Variants in DNAH8 observed in about 807,000 individuals in gnomAD.
The protein encoded by DNAH8 is axonemal beta dynein heavy chain 8.
In DNAH8, 382 loss-of-function variants were observed where a neutral mutation model predicts 562.1. That is an observed-to-expected ratio of 0.68 (90% CI 0.63 to 0.74). The LOEUF is 0.74. Ranked by LOEUF, DNAH8 falls within the 30% of genes least tolerant of loss-of-function variation. The pLI, the probability that DNAH8 is intolerant of heterozygous loss-of-function variation, is 0.00. For missense variants in DNAH8, 5,203 were observed against 5,620.4 expected, an observed-to-expected ratio of 0.93 and a Z score of 2.37; for synonymous variants, 1,881 against 1,919.4, an observed-to-expected ratio of 0.98 and a Z score of 0.52.
At position 38,973,884 on chromosome 6, in the gene DNAH8, T is replaced by C. The variant is rs913939075; in HGVS notation, c.12678+71T>C. The C allele has an allele frequency of 3.0e-5, 40 of 1,324,660 alleles. No homozygotes were observed. In the African/African-American group the frequency reaches 5.2e-4, roughly 17 times the overall value. 82.1% of individuals were successfully genotyped at this position (1,324,660 alleles called of 1,614,324 possible). On this transcript the variant is annotated intron_variant, in intron 84 of 92. Transcript: ENST00000327475. ...TGACATCATTGACATTGTTGAAAGA[T>C]GGGAACACAACAGGGCTTTTTGGTC...
At chr6:38,934,129 G>T (rs1238882533) in intron 76 of DNAH8, among the ~76,000 whole-genome samples, 3 of 151,988 alleles carry the variant, frequency 2.0e-5, no homozygotes, top group Non-Finnish European at 4.4e-5. Context: ...GAGGCAGGTG[G>T]ATTACCTGAG....
At chr6:38,836,668 T>C (rs1774330922) in intron 32 of DNAH8, among the ~76,000 whole-genome samples, 1 of 152,022 alleles carries the variant, frequency 6.6e-6, no homozygotes, top group African/African-American at 2.4e-5. Context: ...CACAACCCTT[T>C]TCAAAATGAG....
At chr6:38,754,836 A>C (rs1234043769) in intron 9 of DNAH8, among the ~76,000 whole-genome samples, 1 of 152,148 alleles carries the variant, frequency 6.6e-6, no homozygotes, top group Admixed American at 6.5e-5. Context: ...AATATCCCTG[A>C]ACTCAGGACA....
chr6:39,018,648 T>C (rs1188919934), intron 91 of DNAH8, among the ~76,000 whole-genome samples: 1 of 152,230 alleles, frequency 6.6e-6, no homozygotes, highest in African/African-American at 2.4e-5. Flanking sequence ...GAGTCATCTG[T>C]GCCAGGATTC....
rs1583366251 is a variant in DNAH8 at position 38,924,060 on chromosome 6, G to A, written c.10860G>A (p.Arg3620=). ...SYLGPFNQIF[R]NYLLKDQWEM... ...TTGGTCCTTTCAATCAGATATTTAG[G>A]AACTATTTGCTTAAAGATCAATGGG... is the stretch of plus-strand genomic sequence containing the variant. Residue 3620 remains arginine (R), a synonymous_variant, in exon 73 of 93, where the codon AGG becomes AGA. Transcript: ENST00000327475. The A allele has an allele frequency of 6.2e-7, 1 of 1,613,924 alleles. No individual in the cohort carries two copies.
chr6:38,728,116 C>A (rs1763372592), intron 3 of DNAH8, among the ~76,000 whole-genome samples: 2 of 152,090 alleles, frequency 1.3e-5, no homozygotes. Context: ...TTGGCACATA[C>A]CTCTATGCCC....
chr6:38,817,350 CA>C (rs1772378905), intron 26 of DNAH8, among the ~76,000 whole-genome samples: 1 of 152,004 alleles, frequency 6.6e-6, no homozygotes, highest in Non-Finnish European at 1.5e-5. Flanking sequence ...CTCCAAAAAA[CA>C]AAAAACAAAA....
Position 38,918,021 on chromosome 6 carries a change from A to G in DNAH8, c.10405A>G (p.Met3469Val), listed in dbSNP as rs1352319635. ...TGAGTTACTACAGCCATATTTTAAT[A>G]TGGATGATTATACTTTTGAAAGTGC... ...TVELLQPYFNMDDYTFESAKK... is the reference protein window; with the variant it reads ...TVELLQPYFNVDDYTFESAKK... The change falls in exon 70 of 93, where the codon ATG becomes GTG. Residue 3469 changes from methionine (M) to valine (V), a missense_variant. By Grantham distance (21) the Met-to-Val change is conservative. Coordinates refer to ENST00000327475, the MANE Select transcript of DNAH8 (RefSeq NM_001206927.2). 1.2e-6 allele frequency: 2 copies of G among 1,613,876 alleles called. No individual in the cohort carries two copies. Among genetic ancestry groups the G allele is most frequent in the Non-Finnish European group, 1.7e-6 (2 of 1,179,852 alleles).
chr6:38,716,880 A>G (rs1467313605), intron 1 of DNAH8: 1 of 152,202 alleles, frequency 6.6e-6, no homozygotes, highest in Non-Finnish European at 1.5e-5. Flanking sequence ...GGAGGAGTTC[A>G]ACACCTGGAA....
chr6:38,783,260 T>A, intron 17 of DNAH8, 121 bp downstream of exon 17: 2 of 773,782 alleles, frequency 2.6e-6, no homozygotes, highest in Middle Eastern at 3.2e-4. Context: ...CAATTTAGAT[T>A]TAGGGATGCT....
intron 59 of DNAH8, 108 bp downstream of exon 59, chr6:38,894,972 A>G: frequency 8.7e-7 from 1 of 1,153,718 alleles, no homozygotes; most frequent in Non-Finnish European, 1.2e-6. Context: ...CTTGTTGCCC[A>G]GGCTGGAGTG....
At chr6:38,876,718 C>T (rs565446869) in intron 53 of DNAH8, among the ~76,000 whole-genome samples, 12 of 152,230 alleles carry the variant, frequency 7.9e-5, no homozygotes, top group African/African-American at 1.2e-4. Flanking sequence ...CCTCCTGGGC[C>T]GCTTTCCAAA....
chr6:38,813,744 C>T (rs1045731071), intron 24 of DNAH8, among the ~76,000 whole-genome samples: 2 of 152,022 alleles, frequency 1.3e-5, no homozygotes, highest in Non-Finnish European at 2.9e-5. Flanking sequence ...GTGATCTCAT[C>T]TTGTATCTGT....
chr6:38,715,946 ATATATATATATATAT>A (rs1250110647), intron 1 of DNAH8, among the ~76,000 whole-genome samples: 10 of 16,512 alleles, frequency 6.1e-4, no homozygotes, highest in Non-Finnish European at 9.8e-4. Flanking sequence ...ATATATATAT[ATATATATATATATAT>A]TTTTTTTTTT....
intron 74 of DNAH8, among the ~76,000 whole-genome samples, chr6:38,928,803 G>C (rs866876874): frequency 6.6e-6 from 1 of 152,130 alleles, no homozygotes; most frequent in African/African-American, 2.4e-5. Flanking sequence ...TAGGCAGGGG[G>C]AGGGATCCTA....
rs1218388160 is a variant in DNAH8, at chr6:38,741,835, G to C, written c.1241G>C (p.Ser414Thr). Residue 414 changes from serine to threonine, a missense_variant, in exon 8 of 93, where the codon AGT (serine) becomes ACT (threonine). Ser to Thr is a moderately conservative substitution (Grantham distance 58). This residue lies in a region of DNAH8 where 2,176 missense variants were observed against 2,365.1 expected (regional missense o/e 0.92). Transcript: ENST00000327475. ...NYIIEQIKGP[S>T]CKAVINVLNV... ...ATCATTGAGCAGATTAAAGGGCCAA[G>C]TTGTAAGGCTGTCATAAATGTGCTA... The C allele has an allele frequency of 6.2e-7, 1 of 1,614,040 alleles. No individual in the cohort carries two copies.
intron 80 of DNAH8, among the ~76,000 whole-genome samples, chr6:38,946,388 A>G (rs1761430073): frequency 6.6e-6 from 1 of 152,146 alleles, no homozygotes; most frequent in Admixed American, 6.5e-5. Context: ...GACTCTACCT[A>G]TTCAGCCTGG....
chr6:38,923,874 G>C (rs930172662), intron 72 of DNAH8, 117 bp from the exon 73 acceptor site: 14 of 1,163,208 alleles, frequency 1.2e-5, no homozygotes, highest in Non-Finnish European at 1.5e-5. Flanking sequence ...TGGCTACCAA[G>C]CATTAAGCAG....
At chr6:38,738,308 G>A (rs892790059) in intron 7 of DNAH8, among the ~76,000 whole-genome samples, 1 of 152,196 alleles carries the variant, frequency 6.6e-6, no homozygotes, top group Admixed American at 6.5e-5. Flanking sequence ...AGGACACAGT[G>A]AAGAGCCAGA....
Sources: allele counts gnomAD v4.1 joint callset (sites outside exome capture counted in the v4.1 genomes callset), GRCh38; gene constraint gnomAD v4.1.1; regional missense constraint gnomAD v4.1.1; transcripts MANE v1.5; gene names NCBI Gene and HGNC (gene_info 2026-07-23, HGNC 2026-07-21).